GAB1: variants seen among roughly 807,000 people sequenced by gnomAD.
GAB1 encodes the protein GRB2-associated-binding protein 1.
In GAB1, 19 loss-of-function variants were observed where a neutral mutation model predicts 66.5. The observed-to-expected ratio is 0.29, with a 90% CI of 0.20 to 0.42. The LOEUF (loss-of-function observed/expected upper bound fraction) is 0.42. Among genes scored for constraint, GAB1 ranks in the 10% least tolerant of loss-of-function variants. The pLI, the probability that GAB1 is intolerant of heterozygous loss-of-function variation, is 1.00. For synonymous variants in GAB1, 294 were observed against 301.4 expected (o/e 0.98, Z 0.25); for missense variants, 732 against 858.5 (o/e 0.85, Z 1.84).
Position 143,370,532 on chromosome 4 carries a change from G to C in GAB1, c.72+33272G>C, listed in dbSNP as rs575807435. Among the ~76,000 whole-genome samples, 3 of 152,304 alleles carry C rather than the reference G, an allele frequency of 2.0e-5. No individual in the cohort carries two copies. The South Asian group carries it at 6.2e-4, about 32-fold the overall frequency. ...TTATAGTGAGTGGGATATCCCTGCT[G>C]TCCTCATTGATAGTACAGAACTCTT... On this transcript the variant is annotated intron_variant, in intron 1 of 9. Coordinates refer to ENST00000262994, the MANE Select transcript of GAB1 (RefSeq NM_002039.4).
intron 1 of GAB1, among the ~76,000 whole-genome samples, chr4:143,392,203 GAAGA>G (rs1043471995): frequency 6.6e-6 from 1 of 152,120 alleles, no homozygotes; most frequent in Admixed American, 6.5e-5. Flanking sequence ...AGTTAATAGG[GAAGA>G]AAGTAGAAGT....
At chr4:143,364,826 T>C (rs1729807870) in intron 1 of GAB1, among the ~76,000 whole-genome samples, 1 of 148,590 alleles carries the variant, frequency 6.7e-6, no homozygotes, top group African/African-American at 2.5e-5. Context: ...TGAAAAGGAG[T>C]AGAAGCAGGG....
At chr4:143,378,054 C>T (rs768954460) in intron 1 of GAB1, among the ~76,000 whole-genome samples, 1 of 152,146 alleles carries the variant, frequency 6.6e-6, no homozygotes, top group East Asian at 1.9e-4. Context: ...CACGCTTTGC[C>T]GTACAAGGGG....
intron 1 of GAB1, among the ~76,000 whole-genome samples, chr4:143,386,533 A>G (rs895750634): frequency 6.6e-6 from 1 of 152,124 alleles, no homozygotes; most frequent in Non-Finnish European, 1.5e-5. Context: ...GACTAAAGGC[A>G]TGCACTACCA....
At chr4:143,369,319 T>C (rs1405767330) in intron 1 of GAB1, among the ~76,000 whole-genome samples, 2 of 152,150 alleles carry the variant, frequency 1.3e-5, no homozygotes, top group African/African-American at 4.8e-5. Flanking sequence ...TCAAGTGATC[T>C]GCCTGCCTCA....
chr4:143,350,207 A>G (rs1235552211), intron 1 of GAB1: 2 of 612,420 alleles, frequency 3.3e-6, no homozygotes, highest in African/African-American at 3.7e-5. Flanking sequence ...GGCCCCAAGC[A>G]CTGTGCCTTC....
intron 3 of GAB1, among the ~76,000 whole-genome samples, chr4:143,435,086 GA>G (rs1438642823): frequency 1.3e-5 from 2 of 152,048 alleles, no homozygotes; most frequent in Non-Finnish European, 2.9e-5. Context: ...TTTTATGACA[GA>G]TTTTTTTTTA....
rs115522395 is a variant in GAB1, at chr4:143,426,292, G to A, written c.368-7199G>A. On this transcript the variant is annotated intron_variant, in intron 2 of 9. Transcript: ENST00000262994. ...TTTCTTCTGACTTGACACAAAGTCT[G>A]TAATTCCAGCACTTTGGGAGACTGA... Among the ~76,000 whole-genome samples, 1,023 of 152,330 alleles carry A rather than the reference G, an allele frequency of 6.7e-3. 16 individuals carry two copies. The highest frequency in any genetic ancestry group is 0.023 in the African/African-American group (970 of 41,566).
intron 1 of GAB1, among the ~76,000 whole-genome samples, chr4:143,392,250 A>G (rs1272398998): frequency 6.6e-6 from 1 of 152,202 alleles, no homozygotes; most frequent in Non-Finnish European, 1.5e-5. Flanking sequence ...TTTTTACCCC[A>G]CAAAAATGGT....
chr4:143,409,391 C>CG (rs1560749086), intron 1 of GAB1, among the ~76,000 whole-genome samples: 1 of 148,488 alleles, frequency 6.7e-6, no homozygotes. Flanking sequence ...AACTTTCCCC[C>CG]CCCCCGCTCT....
chr4:143,448,981 T>C (rs1734734413), intron 6 of GAB1, among the ~76,000 whole-genome samples: 1 of 152,176 alleles, frequency 6.6e-6, no homozygotes, highest in South Asian at 2.1e-4. Flanking sequence ...GAGATTCTGG[T>C]ATGCTGTGTC....
intron 1 of GAB1, among the ~76,000 whole-genome samples, chr4:143,342,457 A>G (rs1197801872): frequency 6.6e-6 from 1 of 152,122 alleles, no homozygotes; most frequent in East Asian, 1.9e-4. Flanking sequence ...GAGTAAGTAA[A>G]ATCCCATATT....
intron 6 of GAB1, among the ~76,000 whole-genome samples, chr4:143,442,504 T>G (rs777839291): frequency 6.6e-6 from 1 of 152,176 alleles, no homozygotes; most frequent in Admixed American, 6.5e-5. Context: ...CACCACTGTT[T>G]ATAAGTTAGA....
chr4:143,386,667 C>T (rs1444090369), intron 1 of GAB1, among the ~76,000 whole-genome samples: 1 of 152,182 alleles, frequency 6.6e-6, no homozygotes, highest in Non-Finnish European at 1.5e-5. Context: ...GGTTTACAGG[C>T]ATGAGCCACT....
intron 1 of GAB1, among the ~76,000 whole-genome samples, chr4:143,383,039 A>G (rs1276223289): frequency 6.6e-6 from 1 of 152,172 alleles, no homozygotes; most frequent in Non-Finnish European, 1.5e-5. Flanking sequence ...CTCAGTTTGA[A>G]AGTAGTAATT....
At chr4:143,371,638 G>C (rs975163978) in intron 1 of GAB1, among the ~76,000 whole-genome samples, 2 of 152,170 alleles carry the variant, frequency 1.3e-5, no homozygotes, top group African/African-American at 4.8e-5. Flanking sequence ...CCTATGTTCT[G>C]AATGGTATTG....
intron 2 of GAB1, among the ~76,000 whole-genome samples, chr4:143,431,652 C>T (rs904467792): frequency 8.5e-5 from 13 of 152,244 alleles, no homozygotes; most frequent in African/African-American, 2.9e-4. Context: ...AGATATCAAA[C>T]CAGAAAGGAC....
chr4:143,385,788 G>A (rs976537490), intron 1 of GAB1, among the ~76,000 whole-genome samples: 1 of 152,140 alleles, frequency 6.6e-6, no homozygotes, highest in African/African-American at 2.4e-5. Flanking sequence ...GCAAACAGTG[G>A]TCTGAGTGCC....
chr4:143,414,641 CT>C (rs1450459032), intron 1 of GAB1, among the ~76,000 whole-genome samples: 1 of 152,110 alleles, frequency 6.6e-6, no homozygotes, highest in Non-Finnish European at 1.5e-5. Flanking sequence ...GCTTCAAAAC[CT>C]TTCCCCCTCC....
Sources: gnomAD v4.1 joint callset for allele counts (sites outside exome capture counted in the v4.1 genomes callset) on GRCh38, gnomAD v4.1.1 for gene constraint, MANE v1.5 for transcripts, NCBI Gene and HGNC (gene_info 2026-07-23, HGNC 2026-07-21) for gene names.